Variants in MAP4 observed in about 807,000 individuals in gnomAD.
MAP4 encodes the protein microtubule associated protein 4, also known as microtubule-associated protein 4.
In MAP4, 76 loss-of-function variants were observed where a neutral mutation model predicts 170.2. That is an observed-to-expected ratio of 0.45 (90% CI 0.37 to 0.54). The LOEUF (loss-of-function observed/expected upper bound fraction) is 0.54, where lower values mean the gene tolerates loss of function less well. MAP4 is among the 20% of genes least tolerant of loss of function. The pLI is 0.00. For synonymous variants in MAP4, 909 were observed against 994.5 expected, an observed-to-expected ratio of 0.91 and a Z score of 1.62; for missense variants, 2,506 against 2,748.0, an observed-to-expected ratio of 0.91 and a Z score of 1.97.
chr3:47,937,652 TCTTC>T (rs963413412), intron 3 of MAP4, among the ~76,000 whole-genome samples: 5 of 142,220 alleles, frequency 3.5e-5, no homozygotes, highest in Non-Finnish European at 6.1e-5. Context: ...TCCTTTTTCT[TCTTC>T]TTTTTTTTTT....
At chr3:48,035,208 A>G (rs1189533216) in intron 1 of MAP4, among the ~76,000 whole-genome samples, 1 of 151,004 alleles carries the variant, frequency 6.6e-6, no homozygotes, top group African/African-American at 2.4e-5. Context: ...AAAAAAAAAA[A>G]GGATTTCTCT....
intron 10 of MAP4, among the ~76,000 whole-genome samples, chr3:47,886,440 A>G (rs147452499): frequency 6.6e-6 from 1 of 152,312 alleles, no homozygotes; most frequent in African/African-American, 2.4e-5. Flanking sequence ...AGTTGGGACT[A>G]TAGGTACATG....
At chr3:47,879,260 A>G (rs190430445) in intron 10 of MAP4, among the ~76,000 whole-genome samples, 11 of 152,304 alleles carry the variant, frequency 7.2e-5, no homozygotes, top group South Asian at 2.1e-4. Context: ...ACAACAAAGC[A>G]TAAGTATAAT....
intron 3 of MAP4, among the ~76,000 whole-genome samples, chr3:47,961,244 A>G (rs1176794370): frequency 6.6e-6 from 1 of 152,180 alleles, no homozygotes; most frequent in African/African-American, 2.4e-5. Flanking sequence ...GCTCACACCT[A>G]TAATCCCAGG....
rs780692947 is a variant in MAP4, at chr3:47,917,026, A to G, written c.801T>C (p.Ala267=). The G allele has an allele frequency of 5.6e-6, 9 of 1,613,850 alleles. No individual in the cohort carries two copies. In the African/African-American group the frequency reaches 9.4e-5, roughly 17 times the overall value. ...TAGCCAATGCCACCTCGGTTTTTGTAGCTAGTGCCATGTCCTTGGCGAGGG... is the reference window on the plus strand; with the variant it reads ...TAGCCAATGCCACCTCGGTTTTTGTGGCTAGTGCCATGTCCTTGGCGAGGG... ...EMALAKDMAL[A]TKTEVALAKD... is the part of the protein sequence containing the mutation. The change falls in exon 7 of 21, where the codon GCT becomes GCC. Residue 267 remains alanine, a synonymous_variant. Coordinates refer to ENST00000683076, the MANE Select transcript of MAP4 (RefSeq NM_001385682.1).
intron 1 of MAP4, among the ~76,000 whole-genome samples, chr3:48,043,266 A>C (rs1420557336): frequency 6.6e-6 from 1 of 152,110 alleles, no homozygotes; most frequent in African/African-American, 2.4e-5. Flanking sequence ...ATGCCCGGCT[A>C]ATTTTTGTAT....
intron 1 of MAP4, among the ~76,000 whole-genome samples, chr3:48,000,147 G>A (rs1438160671): frequency 6.8e-6 from 1 of 147,586 alleles, no homozygotes; most frequent in Non-Finnish European, 1.5e-5. Context: ...CCCGGGAGAT[G>A]GAGGCTACAG....
intron 3 of MAP4, among the ~76,000 whole-genome samples, chr3:47,935,996 TAAGA>T (rs2100052590): frequency 1.3e-5 from 2 of 148,764 alleles, no homozygotes; most frequent in Admixed American, 1.3e-4. Flanking sequence ...GAATTTTATA[TAAGA>T]ATATAAAATT....
intron 1 of MAP4, among the ~76,000 whole-genome samples, chr3:48,001,287 T>C (rs1439655182): frequency 1.3e-5 from 2 of 152,218 alleles, no homozygotes; most frequent in Admixed American, 1.3e-4. Context: ...ACATATTCTT[T>C]ATATTATCTA....
At chr3:47,953,320 C>T (rs950824038) in intron 3 of MAP4, among the ~76,000 whole-genome samples, 1 of 151,970 alleles carries the variant, frequency 6.6e-6, no homozygotes, top group African/African-American at 2.4e-5. Flanking sequence ...CCCAGGAGTT[C>T]AAGCCTAGAA....
intron 3 of MAP4, among the ~76,000 whole-genome samples, chr3:47,953,170 G>A (rs1464787065): frequency 6.6e-6 from 1 of 151,910 alleles, no homozygotes; most frequent in Non-Finnish European, 1.5e-5. Flanking sequence ...ATCTTAGGGT[G>A]AACTTTACTG....
intron 1 of MAP4, among the ~76,000 whole-genome samples, chr3:48,062,835 A>G (rs1315151140): frequency 6.6e-6 from 1 of 151,598 alleles, no homozygotes; most frequent in Non-Finnish European, 1.5e-5. Context: ...GAGGAAGGAG[A>G]ATCACTTGAA....
chr3:47,976,914 G>A (rs1006929030), intron 3 of MAP4, among the ~76,000 whole-genome samples: 2 of 152,184 alleles, frequency 1.3e-5, no homozygotes, highest in African/African-American at 4.8e-5. Flanking sequence ...GCTAACAGAA[G>A]GCTTTCTGGA....
intron 8 of MAP4, among the ~76,000 whole-genome samples, chr3:47,914,579 A>C (rs1401986521): frequency 6.6e-6 from 1 of 151,350 alleles, no homozygotes; most frequent in Non-Finnish European, 1.5e-5. Context: ...CAACAACAAC[A>C]AAAAAAACAG....
intron 3 of MAP4, among the ~76,000 whole-genome samples, chr3:47,931,656 A>ATTTTTT (rs35456237): frequency 1.5e-5 from 2 of 131,400 alleles, no homozygotes; most frequent in Non-Finnish European, 3.2e-5. Flanking sequence ...TTTAAACAAA[A>ATTTTTT]TTTTTTTTTT....
chr3:47,859,916 T>C (rs1385008002), intron 17 of MAP4, among the ~76,000 whole-genome samples: 1 of 152,230 alleles, frequency 6.6e-6, no homozygotes, highest in African/African-American at 2.4e-5. Context: ...GTGCTTTATC[T>C]GGGTTTAAAA....
intron 3 of MAP4, among the ~76,000 whole-genome samples, chr3:47,931,141 G>A (rs1055609370): frequency 6.6e-6 from 1 of 152,010 alleles, no homozygotes; most frequent in Non-Finnish European, 1.5e-5. Context: ...TCGGGAAGCT[G>A]AGGCAAGAAG....
At position 47,919,381 on chromosome 3, in the gene MAP4, C is replaced by G. The variant is rs1341937980; in HGVS notation, c.530-540G>C. On this transcript the variant is annotated intron_variant, in intron 5 of 20. Coordinates refer to ENST00000683076, the MANE Select transcript of MAP4 (RefSeq NM_001385682.1). ...GGAGTGCAATGGCACGATCTCGGCTCGCTGCAATCTCTGCCTCCCAGGTTC... is the reference window on the plus strand; with the variant it reads ...GGAGTGCAATGGCACGATCTCGGCTGGCTGCAATCTCTGCCTCCCAGGTTC... Among the ~76,000 whole-genome samples, 2 of 152,008 alleles carry G rather than the reference C, an allele frequency of 1.3e-5. 1 individual carries two copies. The highest frequency in any genetic ancestry group is 4.1e-4 in the South Asian group (2 of 4,834).
intron 9 of MAP4, among the ~76,000 whole-genome samples, chr3:47,908,078 C>T (rs985141707): frequency 1.3e-5 from 2 of 151,986 alleles, no homozygotes; most frequent in African/African-American, 2.4e-5. Context: ...TTAGTAGCTA[C>T]ATCATGCAAG....
Sources: gnomAD v4.1 joint callset for allele counts (sites outside exome capture counted in the v4.1 genomes callset) on GRCh38, gnomAD v4.1.1 for gene constraint, MANE v1.5 for transcripts, NCBI Gene and HGNC (gene_info 2026-07-23, HGNC 2026-07-21) for gene names.